CRLS1: variants seen among roughly 807,000 people sequenced by gnomAD.
CRLS1 encodes the protein cardiolipin synthase 1.
In CRLS1, 24 loss-of-function variants were observed where a neutral mutation model predicts 37.0. The ratio of observed to expected loss-of-function variants is 0.65; its 90% CI spans 0.47 to 0.91. The LOEUF is 0.91. CRLS1 is among the 40% of genes least tolerant of loss of function. CRLS1 has a pLI of 0.00. For missense variants in CRLS1, 373 were observed against 395.8 expected, an observed-to-expected ratio of 0.94 and a Z score of 0.49; for synonymous variants, 135 against 159.7, an observed-to-expected ratio of 0.85 and a Z score of 1.17.
At chr20:6,025,667 G>A (rs781411381) in intron 3 of CRLS1, among the ~76,000 whole-genome samples, 1 of 152,128 alleles carries the variant, frequency 6.6e-6, no homozygotes, top group African/African-American at 2.4e-5. Flanking sequence ...TTCTAGAAAG[G>A]ATTCACCATT....
intron 1 of CRLS1, among the ~76,000 whole-genome samples, chr20:6,009,534 A>C (rs1349455124): frequency 6.6e-6 from 1 of 152,088 alleles, no homozygotes; most frequent in Non-Finnish European, 1.5e-5. Flanking sequence ...CCTGAAGTGC[A>C]GGGATTATAG....
At position 6,039,278 on chromosome 20, in the gene CRLS1, TG is replaced by T. The variant is rs1980800741; in HGVS notation, c.*2121del. 1 of 49,934 alleles carries T rather than the reference TG, an allele frequency of 2.0e-5. No homozygotes were observed. Among genetic ancestry groups the T allele is most frequent in the Non-Finnish European group, 5.7e-5 (1 of 17,456 alleles). The allele number at this position is 49,934 out of a possible 1,614,324, so 3.1% of individuals were successfully genotyped here. On this transcript the variant is annotated 3_prime_UTR_variant, in exon 7 of 7. Transcript: ENST00000378863. ...AGTTTTGTTTGTGTGTGTGTGTGTG[TG>T]TGTGTGTGTGTGTGTGTGTGTGTGT... is the stretch of plus-strand genomic sequence containing the variant.
At chr20:6,031,767 G>C (rs1043765685) in intron 4 of CRLS1, among the ~76,000 whole-genome samples, 3 of 152,154 alleles carry the variant, frequency 2.0e-5, no homozygotes, top group Non-Finnish European at 2.9e-5. Context: ...AAAGAAAATA[G>C]TGAATAAGGG....
Position 6,006,423 on chromosome 20 carries a change from G to A in CRLS1, c.177G>A (p.Arg59=), listed in dbSNP as rs1448544395. Residue 59 remains arginine (R), a synonymous_variant, in exon 1 of 7, where the codon CGG becomes CGA. Coordinates refer to ENST00000378863, the MANE Select transcript of CRLS1 (RefSeq NM_019095.6). ...WRLRPAALGL[R]LPGIGQRNHC... ...TGCGTCCGGCCGCTCTTGGCTTGCG[G>A]CTGCCCGGGATCGGCCAGCGGAACC... 12 of 1,407,900 alleles carry A rather than the reference G, an allele frequency of 8.5e-6. No homozygotes were observed. The highest frequency in any genetic ancestry group is 1.9e-6 in the Non-Finnish European group (2 of 1,080,968). The allele number at this position is 1,407,900 out of a possible 1,614,324, so 87.2% of individuals were successfully genotyped here. A position where few individuals can be genotyped will look rare whatever the true frequency, so the allele number is the denominator to read the frequency against.
Position 6,029,064 on chromosome 20 carries a change from G to C in CRLS1, c.575-2221G>C, listed in dbSNP as rs971156686. On this transcript the variant is annotated intron_variant, in intron 3 of 6. Coordinates refer to ENST00000378863, the MANE Select transcript of CRLS1 (RefSeq NM_019095.6). ...CTGTGCATAGGAGTCACCCAGAGGA[G>C]AGCTTTCATCTAGGCTTTTACTGAG... is the stretch of plus-strand genomic sequence containing the variant. Among the ~76,000 whole-genome samples, 4 of 152,280 alleles carry C rather than the reference G, an allele frequency of 2.6e-5. No homozygotes were observed. The East Asian group carries it at 5.8e-4, about 22-fold the overall frequency.
rs1245328334 is a variant in CRLS1, at chr20:6,039,097, G to C, written c.*1939G>C. 2 of 152,160 alleles carry C rather than the reference G, an allele frequency of 1.3e-5. No individual in the cohort carries two copies. The highest frequency in any genetic ancestry group is 2.9e-5 in the Non-Finnish European group (2 of 68,032). 9.4% of individuals were successfully genotyped at this position (152,160 alleles called of 1,614,324 possible). On this transcript the variant is annotated 3_prime_UTR_variant, in exon 7 of 7. Coordinates refer to ENST00000378863, the MANE Select transcript of CRLS1 (RefSeq NM_019095.6). ...CCTTGACAGTAAGCTTAAAGCATTA[G>C]TGTCATTTAATTACATGTCTGAGGA...
intron 3 of CRLS1, among the ~76,000 whole-genome samples, chr20:6,016,474 T>TGTGA (rs11474595): frequency 4.4e-4 from 66 of 151,394 alleles, no homozygotes; most frequent in South Asian, 1.2e-3. Context: ...TGTGTGTGTG[T>TGTGA]GAGTTTTCTT....
chr20:6,034,074 A>G (rs1205119880), intron 5 of CRLS1, among the ~76,000 whole-genome samples: 2 of 152,266 alleles, frequency 1.3e-5, no homozygotes, highest in East Asian at 3.8e-4. Flanking sequence ...ACTGCAGGCA[A>G]GTCACCTAAC....
At chr20:6,029,878 C>CA (rs144124512) in intron 3 of CRLS1, among the ~76,000 whole-genome samples, 19,700 of 152,138 alleles carry the variant, frequency 0.13, 1,430 homozygotes, top group Middle Eastern at 0.22. Flanking sequence ...GGCCAAGGAT[C>CA]AATATGTACA....
At chr20:6,009,686 TG>T (rs2090106595) in intron 1 of CRLS1, 88 bp from the exon 2 acceptor site, 1 of 993,004 alleles carries the variant, frequency 1.0e-6, no homozygotes, top group African/African-American at 1.7e-5. Flanking sequence ...CTGAAGTTGA[TG>T]AAGTATATTT....
intron 1 of CRLS1, chr20:6,007,360 C>A: frequency 6.2e-7 from 1 of 1,612,878 alleles, no homozygotes; most frequent in Non-Finnish European, 8.5e-7. Flanking sequence ...GTTGCCATAT[C>A]CTGACTGAAG....
At chr20:6,028,261 A>G (rs1252018023) in intron 3 of CRLS1, 1 of 151,984 alleles carries the variant, frequency 6.6e-6, no homozygotes, top group Non-Finnish European at 1.5e-5. Context: ...TGGTCTTTTT[A>G]TGGGAGGGGG....
intron 3 of CRLS1, among the ~76,000 whole-genome samples, chr20:6,019,001 T>A (rs1017575065): frequency 1.3e-5 from 2 of 152,208 alleles, no homozygotes; most frequent in African/African-American, 4.8e-5. Context: ...GAATTCTTCA[T>A]ATATTCTTGT....
At chr20:6,030,998 C>T (rs538050177) in intron 3 of CRLS1, among the ~76,000 whole-genome samples, 2 of 151,554 alleles carry the variant, frequency 1.3e-5, no homozygotes, top group East Asian at 3.9e-4. Context: ...TAAAAACATG[C>T]AAGAAAAAAA....
chr20:6,030,154 A>AT (rs937191084), intron 3 of CRLS1, among the ~76,000 whole-genome samples: 6 of 151,100 alleles, frequency 4.0e-5, no homozygotes, highest in African/African-American at 1.2e-4. Flanking sequence ...AAAAATAATA[A>AT]TTTTTTTTTC....
chr20:6,011,236 T>C (rs1477171886), intron 2 of CRLS1, among the ~76,000 whole-genome samples: 1 of 152,158 alleles, frequency 6.6e-6, no homozygotes, highest in Admixed American at 6.5e-5. Context: ...CTTTGCTCAA[T>C]ATTTATTGAG....
rs11479572 is a variant in CRLS1 at position 6,008,090 on chromosome 20, CTTT to C, written c.306+1554_306+1556del. ...ACAGACATAGTGTCTTTAGAGAATACTTTTTTTTTTTTTTTTTTACAGGATAGT... is the reference window on the plus strand; with the variant it reads ...ACAGACATAGTGTCTTTAGAGAATACTTTTTTTTTTTTTTTACAGGATAGT... On this transcript the variant is annotated intron_variant, in intron 1 of 6. Coordinates refer to ENST00000378863, the MANE Select transcript of CRLS1 (RefSeq NM_019095.6). Among the ~76,000 whole-genome samples the C allele has an allele frequency of 2.4e-3, 336 of 138,424 alleles. 3 individuals are homozygous for C. Among genetic ancestry groups the C allele is most frequent in the African/African-American group, 7.1e-3 (270 of 38,216 alleles). The allele number at this position is 138,424 out of a possible 152,430, so 90.8% of individuals were successfully genotyped here. A position where few individuals can be genotyped will look rare whatever the true frequency, so the allele number is the denominator to read the frequency against.
chr20:6,015,566 GAC>G, intron 3 of CRLS1, 76 bp downstream of exon 3: 1 of 1,417,790 alleles, frequency 7.1e-7, no homozygotes, highest in South Asian at 1.2e-5. Context: ...TCTCTTGAGA[GAC>G]AAATAATTTT....
chr20:6,032,337 G>T (rs531932074), intron 5 of CRLS1, among the ~76,000 whole-genome samples: 1 of 151,650 alleles, frequency 6.6e-6, no homozygotes, highest in East Asian at 1.9e-4. Flanking sequence ...ACTGTTTAGG[G>T]AAAGGGAATT....
Sources: allele counts gnomAD v4.1 joint callset (sites outside exome capture counted in the v4.1 genomes callset), GRCh38; gene constraint gnomAD v4.1.1; transcripts MANE v1.5; gene names NCBI Gene and HGNC (gene_info 2026-07-23, HGNC 2026-07-21).